Variants in TIMP3 observed in about 807,000 individuals in gnomAD.
TIMP3 encodes the protein metalloproteinase inhibitor 3.
Under a neutral mutation model 30.0 loss-of-function variants are expected in TIMP3, and 11 were observed. That is an observed-to-expected ratio of 0.37 (90% CI 0.23 to 0.61). The LOEUF (loss-of-function observed/expected upper bound fraction) is 0.61. TIMP3 is among the 20% of genes least tolerant of loss of function. The pLI, the probability that TIMP3 is intolerant of heterozygous loss-of-function variation, is 0.70. For missense variants in TIMP3, 181 were observed against 276.8 expected, an observed-to-expected ratio of 0.65 and a Z score of 2.45; for synonymous variants, 112 against 111.3, an observed-to-expected ratio of 1.01 and a Z score of -0.04.
At chr22:32,845,478 C>T (rs1037894878) in intron 1 of TIMP3, among the ~76,000 whole-genome samples, 3 of 152,178 alleles carry the variant, frequency 2.0e-5, no homozygotes, top group Non-Finnish European at 4.4e-5. Context: ...TGGTGAGCCT[C>T]CACACCCGGC....
At chr22:32,807,347 A>AATATAT (rs1569239595) in intron 1 of TIMP3, among the ~76,000 whole-genome samples, 4 of 34,086 alleles carry the variant, frequency 1.2e-4, no homozygotes, top group African/African-American at 1.4e-4. Flanking sequence ...TATAATATAT[A>AATATAT]AATATATAAT....
At chr22:32,827,343 A>G (rs1489426722) in intron 1 of TIMP3, among the ~76,000 whole-genome samples, 1 of 152,244 alleles carries the variant, frequency 6.6e-6, no homozygotes, top group African/African-American at 2.4e-5. Context: ...ACAGCTGCAT[A>G]GCTCAGGCTG....
chr22:32,846,766 C>G (rs2146227086), intron 1 of TIMP3, among the ~76,000 whole-genome samples: 1 of 152,294 alleles, frequency 6.6e-6, no homozygotes, highest in African/African-American at 2.4e-5. Context: ...AGGCACTGGG[C>G]TAAGAAAGCC....
chr22:32,824,923 C>T (rs1311921286), intron 1 of TIMP3, among the ~76,000 whole-genome samples: 1 of 152,164 alleles, frequency 6.6e-6, no homozygotes, highest in Non-Finnish European at 1.5e-5. Flanking sequence ...CAGAAAGGGA[C>T]CTTGTTTGGG....
chr22:32,802,059 G>A lies in TIMP3; in HGVS notation c.58G>A (p.Gly20Ser), dbSNP rs1181348874. The A allele has an allele frequency of 1.3e-6, 2 of 1,576,186 alleles. No individual in the cohort carries two copies. The highest frequency in any genetic ancestry group is 1.3e-5 in the African/African-American group (1 of 74,440). The change falls in exon 1 of 5, where the codon GGC becomes AGC. Residue 20 changes from glycine to serine, a missense_variant. By Grantham distance (56) the Gly-to-Ser change is moderately conservative (BLOSUM62 0). This residue lies in a region of TIMP3 where 71 missense variants were observed against 79.7 expected (regional missense o/e 0.89). Coordinates refer to ENST00000266085, the MANE Select transcript of TIMP3 (RefSeq NM_000362.5). ...GGGCAGCTGGAGCCTGGGGGACTGG[G>A]GCGCCGAGGCGTGCACATGCTCGCC... ...LLGSWSLGDW[G>S]AEACTCSPSH...
chr22:32,828,443 G>C (rs577299566), intron 1 of TIMP3, among the ~76,000 whole-genome samples: 1 of 152,370 alleles, frequency 6.6e-6, no homozygotes, highest in Non-Finnish European at 1.5e-5. Flanking sequence ...AAAAAGGTCA[G>C]AGATCCAATC....
chr22:32,824,128 A>C (rs760490728), intron 1 of TIMP3, among the ~76,000 whole-genome samples: 2 of 151,948 alleles, frequency 1.3e-5, no homozygotes, highest in Non-Finnish European at 2.9e-5. Flanking sequence ...AATACAAAAA[A>C]TTAACCAGGT....
Position 32,841,167 on chromosome 22 carries a change from T to A in TIMP3, c.122-8285T>A, listed in dbSNP as rs2047890430. ...GCAAATACATATGAGGTGCCTGTTA[T>A]GTGCCAGGCACTCTTCGGGCAGCTT... On this transcript the variant is annotated intron_variant, in intron 1 of 4. Transcript: ENST00000266085. Among the ~76,000 whole-genome samples the A allele has an allele frequency of 2.6e-5, 4 of 152,248 alleles. No individual in the cohort carries two copies. The South Asian group carries it at 6.2e-4, about 24-fold the overall frequency.
At chr22:32,830,767 G>A (rs1461631076) in intron 1 of TIMP3, among the ~76,000 whole-genome samples, 5 of 152,062 alleles carry the variant, frequency 3.3e-5, no homozygotes, top group African/African-American at 7.2e-5. Context: ...CACATGGACC[G>A]TGAGTGTATC....
rs1194847590 is a variant in TIMP3 at position 32,820,263 on chromosome 22, CGT to C, written c.121+18143_121+18144del. 5.8e-3 allele frequency among the ~76,000 whole-genome samples: 706 copies of C among 122,032 alleles called. 4 individuals are homozygous for C. The highest frequency in any genetic ancestry group is 7.1e-3 in the South Asian group (25 of 3,500). The allele number at this position is 122,032 out of a possible 152,430, so 80.1% of individuals were successfully genotyped here. On this transcript the variant is annotated intron_variant, in intron 1 of 4. Transcript: ENST00000266085. Reference sequence around the variant, plus strand: ...TCCCCTGTGTGTGTGTGTGTGTGTGCGTGCGCGTGTGTGTGTGTGTGTGTGGT... The same window carrying C: ...TCCCCTGTGTGTGTGTGTGTGTGTGCGCGCGTGTGTGTGTGTGTGTGTGGT...
At chr22:32,831,826 T>C (rs530037681) in intron 1 of TIMP3, among the ~76,000 whole-genome samples, 1 of 152,156 alleles carries the variant, frequency 6.6e-6, no homozygotes, top group East Asian at 1.9e-4. Context: ...ACTGTCAGCC[T>C]GGAAAATAGG....
At chr22:32,846,328 T>C (rs937092457) in intron 1 of TIMP3, among the ~76,000 whole-genome samples, 7 of 152,234 alleles carry the variant, frequency 4.6e-5, no homozygotes, top group Admixed American at 3.9e-4. Flanking sequence ...TCTGTAAGGC[T>C]AGAATATTTT....
At chr22:32,838,851 C>T (rs1294363459) in intron 1 of TIMP3, among the ~76,000 whole-genome samples, 2 of 151,908 alleles carry the variant, frequency 1.3e-5, no homozygotes, top group Non-Finnish European at 2.9e-5. Context: ...AATCTAGGCT[C>T]TATGCCATGT....
Position 32,858,073 on chromosome 22 carries a change from G to C in TIMP3, c.373G>C (p.Asp125His). The change falls in exon 4 of 5, where the codon GAC (aspartate) becomes CAC (histidine). Residue 125 changes from aspartate to histidine, a missense_variant. By Grantham distance (81) the Asp-to-His change is moderately conservative (BLOSUM62 -1). This residue lies in a region of TIMP3 where 63 missense variants were observed against 133.3 expected (regional missense o/e 0.47). Coordinates refer to ENST00000266085, the MANE Select transcript of TIMP3 (RefSeq NM_000362.5). The stretch of plus-strand genomic sequence containing the variant: ...GCTGTGCAACTTCGTGGAGAGGTGG[G>C]ACCAGCTCACCCTCTCCCAGCGCAA... ...TGLCNFVERW[D>H]QLTLSQRKGL... 1 of 1,614,158 alleles carries C rather than the reference G, an allele frequency of 6.2e-7. No homozygotes were observed. Among genetic ancestry groups the C allele is most frequent in the Non-Finnish European group, 8.5e-7 (1 of 1,180,000 alleles).
intron 2 of TIMP3, among the ~76,000 whole-genome samples, chr22:32,850,722 C>G (rs2048194600): frequency 6.6e-6 from 1 of 152,148 alleles, no homozygotes. Context: ...GCATCCCTAG[C>G]AATTAGGGTA....
rs1243843492 is a variant in TIMP3, at chr22:32,861,745, G to A, written c.*2368G>A. The A allele has an allele frequency of 6.6e-6, 1 of 152,474 alleles. No homozygotes were observed. Among genetic ancestry groups the A allele is most frequent in the African/African-American group, 2.4e-5 (1 of 41,390 alleles). The allele number at this position is 152,474 out of a possible 1,614,324, so 9.4% of individuals were successfully genotyped here. On this transcript the variant is annotated 3_prime_UTR_variant, in exon 5 of 5. Transcript: ENST00000266085. The stretch of plus-strand genomic sequence containing the variant: ...GTCTTTCGCAAAGCGATGTCAGAGG[G>A]CGGTTTTGAGCTTTCTATAAGCTAT...
intron 1 of TIMP3, among the ~76,000 whole-genome samples, chr22:32,835,865 G>A (rs551114515): frequency 6.6e-6 from 1 of 152,290 alleles, no homozygotes; most frequent in Admixed American, 6.5e-5. Flanking sequence ...ACCATTGGAT[G>A]AGATTCTTAG....
At chr22:32,832,673 G>GTATTTTATTTTATTT (rs564439917) in intron 1 of TIMP3, among the ~76,000 whole-genome samples, 25 of 151,458 alleles carry the variant, frequency 1.7e-4, no homozygotes, top group South Asian at 6.3e-4. Flanking sequence ...AAACCCTCGA[G>GTATTTTATTTTATTT]TATTTTATTT....
At chr22:32,831,850 C>T (rs777358343) in intron 1 of TIMP3, among the ~76,000 whole-genome samples, 1 of 152,072 alleles carries the variant, frequency 6.6e-6, no homozygotes. Flanking sequence ...TCACTGCACC[C>T]CCCCCAACCT....
Sources: allele counts gnomAD v4.1 joint callset (sites outside exome capture counted in the v4.1 genomes callset), GRCh38; gene constraint gnomAD v4.1.1; regional missense constraint gnomAD v4.1.1; transcripts MANE v1.5; gene names NCBI Gene and HGNC (gene_info 2026-07-23, HGNC 2026-07-21).